LRRC4C: variants seen among roughly 807,000 people sequenced by gnomAD.
The protein encoded by LRRC4C is leucine-rich repeat-containing protein 4C.
Under a neutral mutation model 33.6 loss-of-function variants are expected in LRRC4C, and 5 were observed. That is an observed-to-expected ratio of 0.15 (90% confidence interval 0.08 to 0.31). The LOEUF (loss-of-function observed/expected upper bound fraction) is 0.31, where lower values mean the gene tolerates loss of function less well. LRRC4C is among the 10% of genes least tolerant of loss of function. The pLI, the probability that LRRC4C is intolerant of heterozygous loss-of-function variation, is 1.00. For synonymous variants in LRRC4C, 329 were observed against 302.0 expected, an observed-to-expected ratio of 1.09 and a Z score of -0.93; for missense variants, 560 against 796.7, an observed-to-expected ratio of 0.70 and a Z score of 3.58.
At chr11:40,767,515 A>C (rs1257561760) in intron 2 of LRRC4C, among the ~76,000 whole-genome samples, 1 of 152,138 alleles carries the variant, frequency 6.6e-6, no homozygotes, top group Non-Finnish European at 1.5e-5. Context: ...TTAGCTGAGG[A>C]ATATACATAC....
At chr11:40,695,627 T>C (rs571312025) in intron 2 of LRRC4C, among the ~76,000 whole-genome samples, 75 of 152,208 alleles carry the variant, frequency 4.9e-4, no homozygotes, top group Non-Finnish European at 9.0e-4. Context: ...ACCAGCTGTT[T>C]TCCTGTTTGG....
At chr11:40,983,853 T>C (rs2137131565) in intron 1 of LRRC4C, among the ~76,000 whole-genome samples, 1 of 152,272 alleles carries the variant, frequency 6.6e-6, no homozygotes, top group African/African-American at 2.4e-5. Flanking sequence ...ATTTCTATAT[T>C]GATGAAAATG....
At chr11:41,414,533 G>A (rs1954607720) in intron 1 of LRRC4C, among the ~76,000 whole-genome samples, 1 of 151,934 alleles carries the variant, frequency 6.6e-6, no homozygotes, top group Non-Finnish European at 1.5e-5. Flanking sequence ...AGGTAAAAAT[G>A]GCTCTTTTTT....
chr11:40,575,026 G>A (rs1236356722), intron 3 of LRRC4C, among the ~76,000 whole-genome samples: 1 of 152,156 alleles, frequency 6.6e-6, no homozygotes, highest in East Asian at 1.9e-4. Flanking sequence ...CTGGGTCACA[G>A]TCAAAGGAGA....
At chr11:40,141,931 T>C (rs1404449990) in intron 5 of LRRC4C, among the ~76,000 whole-genome samples, 1 of 152,160 alleles carries the variant, frequency 6.6e-6, no homozygotes, top group African/African-American at 2.4e-5. Flanking sequence ...TAAAACTGAA[T>C]ATGATCAAAA....
intron 3 of LRRC4C, among the ~76,000 whole-genome samples, chr11:40,604,369 G>A (rs1960342048): frequency 6.6e-6 from 1 of 151,848 alleles, no homozygotes; most frequent in Non-Finnish European, 1.5e-5. Context: ...ATAATGTATT[G>A]GGTACAATAT....
intron 2 of LRRC4C, among the ~76,000 whole-genome samples, chr11:40,783,473 T>G (rs971860779): frequency 1.3e-5 from 2 of 151,696 alleles, no homozygotes; most frequent in Non-Finnish European, 2.9e-5. Flanking sequence ...TTGTTTCTTT[T>G]TTTATTTTTA....
chr11:41,192,326 GTGT>G (rs1429598193), intron 1 of LRRC4C, among the ~76,000 whole-genome samples: 1 of 133,780 alleles, frequency 7.5e-6, no homozygotes, highest in Non-Finnish European at 1.6e-5. Flanking sequence ...AATTAAATGT[GTGT>G]GTGTGTGTGT....
chr11:40,274,643 G>A (rs1942965689), intron 4 of LRRC4C, among the ~76,000 whole-genome samples: 2 of 152,050 alleles, frequency 1.3e-5, no homozygotes, highest in South Asian at 4.1e-4. Context: ...ATTCTCTTCG[G>A]CAAAGACAGT....
chr11:41,133,850 C>T (rs930323408), intron 1 of LRRC4C, among the ~76,000 whole-genome samples: 1 of 152,112 alleles, frequency 6.6e-6, no homozygotes, highest in Non-Finnish European at 1.5e-5. Flanking sequence ...TAAACAACTG[C>T]AAATAAAAGA....
intron 5 of LRRC4C, among the ~76,000 whole-genome samples, chr11:40,169,373 T>C (rs1459135961): frequency 6.6e-6 from 1 of 152,166 alleles, no homozygotes; most frequent in Non-Finnish European, 1.5e-5. Flanking sequence ...ATTTTAAAAC[T>C]CAGCCCAGGG....
At chr11:40,409,356 A>G (rs986535499) in intron 3 of LRRC4C, among the ~76,000 whole-genome samples, 9 of 152,014 alleles carry the variant, frequency 5.9e-5, no homozygotes, top group African/African-American at 2.2e-4. Flanking sequence ...TATATCCCCC[A>G]AGAGCAGAGG....
chr11:40,944,913 C>A (rs754293301), intron 1 of LRRC4C, among the ~76,000 whole-genome samples: 42 of 152,096 alleles, frequency 2.8e-4, no homozygotes, highest in Non-Finnish European at 4.4e-4. Context: ...CCTATTCATT[C>A]CAGCTTAGGT....
At chr11:40,795,693 T>G (rs1251778268) in intron 2 of LRRC4C, among the ~76,000 whole-genome samples, 1 of 152,174 alleles carries the variant, frequency 6.6e-6, no homozygotes, top group Non-Finnish European at 1.5e-5. Context: ...ACAAGCTGTT[T>G]ATTTTGAGGT....
At chr11:40,502,500 C>A (rs1954827006) in intron 3 of LRRC4C, among the ~76,000 whole-genome samples, 1 of 152,128 alleles carries the variant, frequency 6.6e-6, no homozygotes, top group Non-Finnish European at 1.5e-5. Flanking sequence ...TACAGGGTGG[C>A]AGCAAGAGAG....
At chr11:40,196,674 A>G (rs1258412701) in intron 5 of LRRC4C, among the ~76,000 whole-genome samples, 2 of 152,204 alleles carry the variant, frequency 1.3e-5, no homozygotes, top group Non-Finnish European at 2.9e-5. Context: ...TAGATCTAAG[A>G]TTTTACAAAA....
At chr11:40,228,164 A>T (rs1864946578) in intron 5 of LRRC4C, among the ~76,000 whole-genome samples, 1 of 152,178 alleles carries the variant, frequency 6.6e-6, no homozygotes, top group South Asian at 2.1e-4. Context: ...CATCTAGTCT[A>T]AATAGAATTC....
At chr11:40,616,063 GA>G (rs1179201041) in intron 3 of LRRC4C, among the ~76,000 whole-genome samples, 2 of 151,672 alleles carry the variant, frequency 1.3e-5, no homozygotes, top group Non-Finnish European at 2.9e-5. Flanking sequence ...AAATTTACAA[GA>G]AAAAAACAAA....
At chr11:40,835,718 A>C (rs1952640665) in intron 2 of LRRC4C, among the ~76,000 whole-genome samples, 1 of 152,198 alleles carries the variant, frequency 6.6e-6, no homozygotes, top group African/African-American at 2.4e-5. Context: ...TGGTATTTGA[A>C]GATTATATGG....
Sources: allele counts gnomAD v4.1 joint callset (sites outside exome capture counted in the v4.1 genomes callset), GRCh38; gene constraint gnomAD v4.1.1; transcripts MANE v1.5; gene names NCBI Gene and HGNC (gene_info 2026-07-23, HGNC 2026-07-21).